PARN: variants seen among roughly 807,000 people sequenced by gnomAD.
The protein encoded by PARN is poly(A)-specific ribonuclease PARN.
Under a neutral mutation model 102.8 loss-of-function variants are expected in PARN, and 71 were observed. That is an observed-to-expected ratio of 0.69 (90% CI 0.57 to 0.84). The LOEUF is 0.84. PARN is among the 40% of genes least tolerant of loss of function. The probability of loss-of-function intolerance (pLI) is 0.00; values close to 1 mark genes in which losing one functional copy is unlikely to be tolerated. For synonymous variants in PARN, 261 were observed against 252.9 expected (o/e 1.03, Z -0.30); for missense variants, 782 against 760.9 (o/e 1.03, Z -0.33).
intron 18 of PARN, among the ~76,000 whole-genome samples, chr16:14,562,338 G>A (rs1303491765): frequency 6.6e-6 from 1 of 150,830 alleles, no homozygotes; most frequent in Non-Finnish European, 1.5e-5. Flanking sequence ...CATGCCTGTA[G>A]TCCGAGCTAC....
intron 21 of PARN, among the ~76,000 whole-genome samples, chr16:14,526,461 G>A (rs1966012798): frequency 6.6e-6 from 1 of 152,124 alleles, no homozygotes; most frequent in Non-Finnish European, 1.5e-5. Context: ...ACAGGCATGA[G>A]CCACCGTGCC....
At chr16:14,624,954 G>A (rs574621655) in intron 5 of PARN, among the ~76,000 whole-genome samples, 55 of 152,184 alleles carry the variant, frequency 3.6e-4, no homozygotes, top group African/African-American at 9.6e-4. Context: ...GGAGGCTGAC[G>A]CAGGAGAATC....
At chr16:14,577,791 C>T (rs897921096) in intron 18 of PARN, among the ~76,000 whole-genome samples, 7 of 152,226 alleles carry the variant, frequency 4.6e-5, no homozygotes, top group South Asian at 4.1e-4. Flanking sequence ...CCTCAGCCCC[C>T]CCAGTAGCTG....
intron 22 of PARN, among the ~76,000 whole-genome samples, chr16:14,471,921 A>C (rs369377156): frequency 4.2e-4 from 64 of 152,300 alleles, no homozygotes; most frequent in African/African-American, 1.5e-3. Flanking sequence ...TTCCTTTTTA[A>C]GGCTGATTAA....
intron 2 of PARN, among the ~76,000 whole-genome samples, chr16:14,629,350 T>C (rs1217630285): frequency 6.6e-6 from 1 of 152,214 alleles, no homozygotes; most frequent in Admixed American, 6.5e-5. Flanking sequence ...CGCCGCACTG[T>C]TTTAAGCAGC....
At position 14,573,774 on chromosome 16, in the gene PARN, GCT is replaced by G. The variant is rs559141610; in HGVS notation, c.1262+7098_1262+7099del. On this transcript the variant is annotated intron_variant, in intron 18 of 23. Coordinates refer to ENST00000437198, the MANE Select transcript of PARN (RefSeq NM_002582.4). The stretch of plus-strand genomic sequence containing the variant: ...TAAAAACGGGAGGTTCCCTGCACAA[GCT>G]CTCTTGTCTGCTGCCATGTGAGATG... Among the ~76,000 whole-genome samples, 27 of 152,284 alleles carry G rather than the reference GCT, an allele frequency of 1.8e-4. No homozygotes were observed. The South Asian group carries it at 5.4e-3, about 30-fold the overall frequency.
chr16:14,449,244 T>TGATA (rs1961340933), intron 22 of PARN, among the ~76,000 whole-genome samples: 1 of 152,194 alleles, frequency 6.6e-6, no homozygotes. Flanking sequence ...ATCTACTGTA[T>TGATA]GATAACAGTG....
intron 21 of PARN, among the ~76,000 whole-genome samples, chr16:14,522,516 G>C (rs1195850326): frequency 6.6e-6 from 1 of 152,160 alleles, no homozygotes; most frequent in African/African-American, 2.4e-5. Flanking sequence ...CTCTTAATAA[G>C]AGGGAAGCAG....
chr16:14,440,866 A>G (rs1437990308), intron 23 of PARN, among the ~76,000 whole-genome samples: 1 of 152,180 alleles, frequency 6.6e-6, no homozygotes, highest in Non-Finnish European at 1.5e-5. Flanking sequence ...TGGGGGAAGG[A>G]TCAACTCCAA....
At chr16:14,540,490 T>C (rs909587098) in intron 21 of PARN, among the ~76,000 whole-genome samples, 13 of 152,150 alleles carry the variant, frequency 8.5e-5, no homozygotes, top group African/African-American at 3.1e-4. Context: ...ATATAATACA[T>C]ATATATATCT....
intron 18 of PARN, among the ~76,000 whole-genome samples, chr16:14,568,661 G>C (rs1968589301): frequency 6.6e-6 from 1 of 152,000 alleles, no homozygotes; most frequent in Non-Finnish European, 1.5e-5. Flanking sequence ...TGTAATCCCA[G>C]CACTTTGGGA....
At chr16:14,526,199 C>A (rs1232395735) in intron 21 of PARN, among the ~76,000 whole-genome samples, 2 of 141,994 alleles carry the variant, frequency 1.4e-5, no homozygotes, top group Non-Finnish European at 3.0e-5. Flanking sequence ...TTTTTTGAGA[C>A]GGAGTCTTGC....
At chr16:14,522,620 G>A (rs1965793919) in intron 21 of PARN, among the ~76,000 whole-genome samples, 1 of 152,158 alleles carries the variant, frequency 6.6e-6, no homozygotes, top group Admixed American at 6.5e-5. Context: ...AACAAGACCA[G>A]GTACAGGGGA....
intron 6 of PARN, among the ~76,000 whole-genome samples, chr16:14,611,868 G>T (rs1971537692): frequency 6.6e-6 from 1 of 152,124 alleles, no homozygotes; most frequent in African/African-American, 2.4e-5. Context: ...AGGGCTCGAT[G>T]GCAAATGTTT....
chr16:14,439,946 C>T (rs1455249457), intron 23 of PARN, among the ~76,000 whole-genome samples: 3 of 152,038 alleles, frequency 2.0e-5, no homozygotes, highest in Admixed American at 1.3e-4. Flanking sequence ...ACCCGAGAGG[C>T]GGAGGTTGCA....
At chr16:14,445,683 C>G (rs558123327) in intron 23 of PARN, among the ~76,000 whole-genome samples, 125 of 152,332 alleles carry the variant, frequency 8.2e-4, no homozygotes, top group African/African-American at 3.0e-3. Flanking sequence ...CTACTTCAGT[C>G]TCCTTAGTAG....
chr16:14,620,782 C>A (rs1972247069), intron 5 of PARN, among the ~76,000 whole-genome samples: 1 of 152,160 alleles, frequency 6.6e-6, no homozygotes, highest in African/African-American at 2.4e-5. Context: ...TGTCCTAATC[C>A]TATGGACCAC....
intron 21 of PARN, among the ~76,000 whole-genome samples, chr16:14,512,363 T>C (rs1965234403): frequency 6.6e-6 from 1 of 152,028 alleles, no homozygotes; most frequent in Non-Finnish European, 1.5e-5. Flanking sequence ...ATTAGCTGGG[T>C]GTGGTGGTGC....
intron 21 of PARN, among the ~76,000 whole-genome samples, chr16:14,549,646 C>T (rs1967173015): frequency 6.6e-6 from 1 of 152,220 alleles, no homozygotes; most frequent in African/African-American, 2.4e-5. Flanking sequence ...CCCATACACA[C>T]AAGCAAGGAA....
Sources: allele counts gnomAD v4.1 joint callset (sites outside exome capture counted in the v4.1 genomes callset), GRCh38; gene constraint gnomAD v4.1.1; transcripts MANE v1.5; gene names NCBI Gene and HGNC (gene_info 2026-07-23, HGNC 2026-07-21).